The following UBAP1 variants were observed in gnomAD, a reference collection of about 807,000 sequenced individuals.
UBAP1 encodes the protein ubiquitin associated protein 1.
A neutral mutation model predicts 39.0 loss-of-function variants in UBAP1; 5 were observed. The ratio of observed to expected loss-of-function variants is 0.13; its 90% CI spans 0.07 to 0.27. The LOEUF (loss-of-function observed/expected upper bound fraction) is 0.27. Ranked by LOEUF, UBAP1 falls within the 10% of genes least tolerant of loss-of-function variation. The pLI, the probability that UBAP1 is intolerant of heterozygous loss-of-function variation, is 1.00. For synonymous variants in UBAP1, 211 were observed against 225.1 expected, an observed-to-expected ratio of 0.94 and a Z score of 0.56; for missense variants, 490 against 608.1, an observed-to-expected ratio of 0.81 and a Z score of 2.04.
chr9:34,215,751 G>A (rs1832275154), intron 1 of UBAP1, among the ~76,000 whole-genome samples: 1 of 151,252 alleles, frequency 6.6e-6, no homozygotes, highest in African/African-American at 2.4e-5. Context: ...ATATATATAT[G>A]TACACACACA....
intron 2 of UBAP1, 122 bp from the exon 3 acceptor site, chr9:34,234,094 G>C (rs933774448): frequency 1.0e-6 from 1 of 952,712 alleles, no homozygotes; most frequent in African/African-American, 1.7e-5. Context: ...GTCAGAGAAG[G>C]AACTCTGTAA....
chr9:34,184,510 A>C (rs1238774899), intron 1 of UBAP1, among the ~76,000 whole-genome samples: 1 of 150,766 alleles, frequency 6.6e-6, no homozygotes. Flanking sequence ...GGGCACCTGT[A>C]GTCCCAGCTA....
At chr9:34,239,218 A>G (rs1043385356) in intron 3 of UBAP1, among the ~76,000 whole-genome samples, 9 of 152,156 alleles carry the variant, frequency 5.9e-5, no homozygotes, top group African/African-American at 2.2e-4. Context: ...TAATTTTTGT[A>G]TTTTTAGTAG....
intron 1 of UBAP1, among the ~76,000 whole-genome samples, chr9:34,208,995 C>T (rs543896513): frequency 2.0e-5 from 3 of 151,744 alleles, no homozygotes; most frequent in African/African-American, 7.2e-5. Flanking sequence ...AGTGCAGTGG[C>T]GTGATCTCGG....
At chr9:34,211,199 C>A (rs1467728013) in intron 1 of UBAP1, among the ~76,000 whole-genome samples, 1 of 152,046 alleles carries the variant, frequency 6.6e-6, no homozygotes. Flanking sequence ...AGTCTACTAC[C>A]TTTATTTTAC....
intron 4 of UBAP1, among the ~76,000 whole-genome samples, chr9:34,242,704 T>C (rs1834021615): frequency 1.3e-5 from 2 of 152,144 alleles, no homozygotes; most frequent in Admixed American, 6.5e-5. Flanking sequence ...TTTGTATTTT[T>C]AGTAGAGACG....
chr9:34,218,296 C>CAAAAAAAAAAA (rs1832459640), intron 1 of UBAP1, among the ~76,000 whole-genome samples: 1 of 94,638 alleles, frequency 1.1e-5, no homozygotes, highest in South Asian at 3.3e-4. Context: ...AAAAAAAAAG[C>CAAAAAAAAAAA]CAAGCACATC....
At chr9:34,222,620 C>T (rs929016597) in intron 2 of UBAP1, among the ~76,000 whole-genome samples, 1 of 151,970 alleles carries the variant, frequency 6.6e-6, no homozygotes, top group Admixed American at 6.6e-5. Context: ...CATAGTGAGA[C>T]GCTGTCTCTA....
intron 1 of UBAP1, among the ~76,000 whole-genome samples, chr9:34,202,778 ATCC>A (rs763703477): frequency 3.2e-4 from 49 of 152,050 alleles, no homozygotes; most frequent in Non-Finnish European, 6.0e-4. Context: ...TTTAGAGCAA[ATCC>A]CAGTCATATC....
At position 34,251,564 on chromosome 9, in the gene UBAP1, C is replaced by A; in HGVS notation, c.*32C>A. Reference sequence around the variant, plus strand: ...GCCCTGCCTAGGCCCTGCCGCAGAACCACCATCCCTGGGAGGCCCTGCAGA... The same window carrying A: ...GCCCTGCCTAGGCCCTGCCGCAGAAACACCATCCCTGGGAGGCCCTGCAGA... On this transcript the variant is annotated 3_prime_UTR_variant, in exon 7 of 7. Coordinates refer to ENST00000297661, the MANE Select transcript of UBAP1 (RefSeq NM_016525.5). 2 of 1,608,028 alleles carry A rather than the reference C, an allele frequency of 1.2e-6. No individual in the cohort carries two copies. The highest frequency in any genetic ancestry group is 1.7e-6 in the Non-Finnish European group (2 of 1,177,270).
At position 34,241,876 on chromosome 9, in the gene UBAP1, C is replaced by T. The variant is rs766186080; in HGVS notation, c.851C>T (p.Ala284Val). The T allele has an allele frequency of 1.7e-5, 27 of 1,613,994 alleles. No individual in the cohort carries two copies. Among genetic ancestry groups the T allele is most frequent in the South Asian group, 2.2e-5 (2 of 91,090 alleles). The change falls in exon 4 of 7, where the codon GCG (alanine) becomes GTG (valine). Residue 284 changes from alanine (A) to valine (V), a missense_variant. Ala to Val is a moderately conservative substitution (Grantham distance 64). This residue lies in a region of UBAP1 where 339 missense variants were observed against 390.0 expected (regional missense o/e 0.87). Transcript: ENST00000297661. ...AGCAATCAGAAGACAGCCAAGCTGG[C>T]GAGCACTTTCCATAGCACATCCTGC... The part of the protein sequence containing the change: ...DDSNQKTAKL[A>V]STFHSTSCLR...
chr9:34,249,042 C>T (rs1171919634), intron 4 of UBAP1, among the ~76,000 whole-genome samples: 3 of 152,052 alleles, frequency 2.0e-5, no homozygotes, highest in Admixed American at 6.6e-5. Flanking sequence ...TTAGTAAGTT[C>T]CAGTGGCAGG....
chr9:34,197,762 C>G (rs1043417750), intron 1 of UBAP1, among the ~76,000 whole-genome samples: 6 of 152,054 alleles, frequency 3.9e-5, no homozygotes, highest in Non-Finnish European at 8.8e-5. Context: ...GTTGGCCAGG[C>G]TTGTCTTGAA....
intron 1 of UBAP1, among the ~76,000 whole-genome samples, chr9:34,206,609 A>G (rs1162238143): frequency 6.6e-6 from 1 of 151,990 alleles, no homozygotes; most frequent in Non-Finnish European, 1.5e-5. Context: ...AAAACCCTTC[A>G]TTTTCCGAGT....
chr9:34,181,361 C>A (rs10971978), intron 1 of UBAP1, among the ~76,000 whole-genome samples: 3,750 of 151,416 alleles, frequency 0.025, 149 homozygotes, highest in East Asian at 0.2. Flanking sequence ...CGTGATCCAC[C>A]CGTCTTGGCC....
At chr9:34,240,196 A>G (rs1833890487) in intron 3 of UBAP1, among the ~76,000 whole-genome samples, 1 of 152,140 alleles carries the variant, frequency 6.6e-6, no homozygotes, top group Non-Finnish European at 1.5e-5. Context: ...TGATCCCCCC[A>G]TATGTCTATC....
At chr9:34,239,367 A>AT (rs928748976) in intron 3 of UBAP1, among the ~76,000 whole-genome samples, 1 of 152,236 alleles carries the variant, frequency 6.6e-6, no homozygotes, top group Admixed American at 6.5e-5. Flanking sequence ...TGGAGTCTCC[A>AT]TGGGGTTGTA....
intron 1 of UBAP1, among the ~76,000 whole-genome samples, chr9:34,192,297 A>G (rs942957473): frequency 4.0e-5 from 6 of 151,816 alleles, no homozygotes; most frequent in African/African-American, 1.4e-4. Context: ...TGGGTGGATC[A>G]TGAGGTCAGG....
intron 1 of UBAP1, among the ~76,000 whole-genome samples, chr9:34,189,293 A>G (rs566013097): frequency 2.0e-5 from 3 of 150,236 alleles, no homozygotes; most frequent in African/African-American, 7.4e-5. Context: ...GGTTCAAGTG[A>G]TTCTTTCACC....
Sources: allele counts gnomAD v4.1 joint callset (sites outside exome capture counted in the v4.1 genomes callset), GRCh38; gene constraint gnomAD v4.1.1; regional missense constraint gnomAD v4.1.1; transcripts MANE v1.5; gene names NCBI Gene and HGNC (gene_info 2026-07-23, HGNC 2026-07-21).